SRGAP3: variants seen among roughly 807,000 people sequenced by gnomAD.
SRGAP3 encodes the protein SLIT-ROBO Rho GTPase activating protein 3.
In SRGAP3, 39 loss-of-function variants were observed where a neutral mutation model predicts 121.1. The observed-to-expected ratio is 0.32, with a 90% CI of 0.25 to 0.42. The LOEUF (loss-of-function observed/expected upper bound fraction) is 0.42, where lower values mean the gene tolerates loss of function less well. SRGAP3 is among the 10% of genes least tolerant of loss of function. SRGAP3 has a pLI of 1.00. For missense variants in SRGAP3, 1,213 were observed against 1,470.6 expected (o/e 0.82, Z 2.86); for synonymous variants, 601 against 570.0 (o/e 1.05, Z -0.77).
At chr3:9,058,713 T>A (rs1945965366) in intron 6 of SRGAP3, 18 of 361,712 alleles carry the variant, frequency 5.0e-5, no homozygotes, top group East Asian at 1.8e-4. Flanking sequence ...TTTCTCTCTC[T>A]CTTTTTTTTT....
chr3:9,259,851 G>A (rs892841277), intron 3 of SRGAP3, among the ~76,000 whole-genome samples: 3 of 140,560 alleles, frequency 2.1e-5, no homozygotes, highest in African/African-American at 7.6e-5. Context: ...GGGGGCCAGG[G>A]GTGGGGCTGG....
intron 1 of SRGAP3, among the ~76,000 whole-genome samples, chr3:9,203,662 T>TA (rs1952150054): frequency 6.6e-6 from 1 of 152,192 alleles, no homozygotes; most frequent in Non-Finnish European, 1.5e-5. Context: ...CCCTGAGCTA[T>TA]AAGGGGATGG....
At chr3:9,167,582 T>C (rs543654768) in intron 1 of SRGAP3, among the ~76,000 whole-genome samples, 1 of 152,230 alleles carries the variant, frequency 6.6e-6, no homozygotes, top group Non-Finnish European at 1.5e-5. Context: ...GAGCAGGAAG[T>C]TGGGACCGCA....
intron 10 of SRGAP3, 90 bp from the exon 11 acceptor site, chr3:9,038,180 G>T (rs905262855): frequency 1.8e-5 from 27 of 1,514,140 alleles, no homozygotes; most frequent in Non-Finnish European, 2.3e-5. Context: ...AATACAATGA[G>T]TCTTAATTAT....
intron 1 of SRGAP3, among the ~76,000 whole-genome samples, chr3:9,233,959 A>G (rs1415309910): frequency 6.6e-6 from 1 of 152,176 alleles, no homozygotes; most frequent in African/African-American, 2.4e-5. Context: ...TCCCAGTAAC[A>G]TAATTCTATG....
At chr3:9,076,930 G>A (rs1249029550) in intron 4 of SRGAP3, among the ~76,000 whole-genome samples, 2 of 152,064 alleles carry the variant, frequency 1.3e-5, no homozygotes, top group Middle Eastern at 3.2e-3. Context: ...TCTGACTTGT[G>A]TTGTAGCAAC....
intron 1 of SRGAP3, among the ~76,000 whole-genome samples, chr3:9,342,125 C>T (rs1010137807): frequency 1.3e-5 from 2 of 152,104 alleles, no homozygotes; most frequent in Non-Finnish European, 2.9e-5. Context: ...CCGAGGCAGG[C>T]GAATCACCTG....
At chr3:9,050,960 T>G (rs955559700) in intron 9 of SRGAP3, among the ~76,000 whole-genome samples, 1 of 151,604 alleles carries the variant, frequency 6.6e-6, no homozygotes, top group African/African-American at 2.4e-5. Flanking sequence ...GAAGTTAGAA[T>G]TGGGTGGGTT....
intron 18 of SRGAP3, chr3:9,007,965 C>G (rs1016684866): frequency 6.6e-6 from 1 of 152,204 alleles, no homozygotes; most frequent in East Asian, 1.9e-4. Flanking sequence ...CAATACCCCC[C>G]ACTAATACAC....
At chr3:9,024,675 G>A (rs932488491) in intron 14 of SRGAP3, among the ~76,000 whole-genome samples, 14 of 152,166 alleles carry the variant, frequency 9.2e-5, no homozygotes, top group Non-Finnish European at 1.9e-4. Context: ...TGGGAACTAG[G>A]TCACCTCTCC....
chr3:9,160,982 A>G (rs1950582063), intron 1 of SRGAP3, among the ~76,000 whole-genome samples: 2 of 152,210 alleles, frequency 1.3e-5, no homozygotes, highest in African/African-American at 4.8e-5. Context: ...ACAAACACAT[A>G]AAGGAGAGGT....
chr3:9,012,592 C>G (rs914016879), intron 17 of SRGAP3, among the ~76,000 whole-genome samples: 1 of 152,042 alleles, frequency 6.6e-6, no homozygotes, highest in Non-Finnish European at 1.5e-5. Flanking sequence ...GTGTTGGACA[C>G]GCAAAGAAAC....
intron 11 of SRGAP3, 80 bp from the exon 12 acceptor site, chr3:9,032,832 C>T (rs566451743): frequency 2.4e-4 from 312 of 1,274,554 alleles, no homozygotes; most frequent in Middle Eastern, 5.5e-4. Context: ...TTAAAACCCA[C>T]GACTAAAGGG....
At chr3:9,171,397 C>T (rs1420623451) in intron 1 of SRGAP3, among the ~76,000 whole-genome samples, 1 of 152,224 alleles carries the variant, frequency 6.6e-6, no homozygotes, top group Non-Finnish European at 1.5e-5. Flanking sequence ...TCAGTTCTCT[C>T]CTCTCCAAAA....
intron 12 of SRGAP3, among the ~76,000 whole-genome samples, chr3:9,031,819 G>T (rs1944500031): frequency 6.6e-6 from 1 of 152,194 alleles, no homozygotes; most frequent in Admixed American, 6.5e-5. Context: ...TTCATTAGAA[G>T]GTAGTGGGCT....
At chr3:9,011,203 T>C (rs1484231193) in intron 17 of SRGAP3, among the ~76,000 whole-genome samples, 8 of 152,134 alleles carry the variant, frequency 5.3e-5, no homozygotes, top group African/African-American at 1.7e-4. Flanking sequence ...GGCCATTAAA[T>C]AAGACAGTTG....
intron 1 of SRGAP3, among the ~76,000 whole-genome samples, chr3:9,129,013 A>G (rs1949343101): frequency 6.6e-6 from 1 of 152,230 alleles, no homozygotes; most frequent in Admixed American, 6.5e-5. Context: ...CTCACTTAAG[A>G]TCTGTGCATT....
At chr3:9,036,585 AAAC>A (rs1944756227) in intron 11 of SRGAP3, 1 of 152,224 alleles carries the variant, frequency 6.6e-6, no homozygotes, top group African/African-American at 2.4e-5. Flanking sequence ...AAACAAAACA[AAAC>A]AAAACACACA....
At chr3:9,201,506 C>T (rs1033396299) in intron 1 of SRGAP3, among the ~76,000 whole-genome samples, 2 of 152,240 alleles carry the variant, frequency 1.3e-5, no homozygotes, top group East Asian at 1.9e-4. Context: ...AGCGTCCCCG[C>T]CCTGTGTGCC....
Sources: allele counts gnomAD v4.1 joint callset (sites outside exome capture counted in the v4.1 genomes callset), GRCh38; gene constraint gnomAD v4.1.1; transcripts MANE v1.5; gene names NCBI Gene and HGNC (gene_info 2026-07-23, HGNC 2026-07-21).